The following FBXL20 variants were observed in gnomAD, a reference collection of about 807,000 sequenced individuals.
FBXL20 encodes F-box/LRR-repeat protein 20.
FBXL20 carries 11 observed loss-of-function variants against 64.0 expected under a neutral mutation model. That is an observed-to-expected ratio of 0.17 (90% CI 0.11 to 0.28). The LOEUF is 0.28. Among genes scored for constraint, FBXL20 ranks in the 10% least tolerant of loss-of-function variants. FBXL20 has a pLI of 1.00. For missense variants in FBXL20, 303 were observed against 526.2 expected, an observed-to-expected ratio of 0.58 and a Z score of 4.15; for synonymous variants, 184 against 189.0, an observed-to-expected ratio of 0.97 and a Z score of 0.22.
intron 2 of FBXL20, among the ~76,000 whole-genome samples, chr17:39,304,531 C>T (rs539044801): frequency 6.6e-6 from 1 of 152,274 alleles, no homozygotes; most frequent in East Asian, 1.9e-4. Flanking sequence ...CTCAAGCAAT[C>T]CTCCTGCCTC....
chr17:39,294,260 C>A (rs1465435643), intron 6 of FBXL20, among the ~76,000 whole-genome samples: 1 of 151,786 alleles, frequency 6.6e-6, no homozygotes, highest in Non-Finnish European at 1.5e-5. Flanking sequence ...CAGGTGTGAA[C>A]CACCACACCT....
chr17:39,387,986 T>A (rs1421772810), intron 1 of FBXL20, among the ~76,000 whole-genome samples: 1 of 152,206 alleles, frequency 6.6e-6, no homozygotes, highest in Non-Finnish European at 1.5e-5. Context: ...GTTAATTACA[T>A]ATTTCATTTG....
At chr17:39,394,137 C>T (rs985239415) in intron 1 of FBXL20, among the ~76,000 whole-genome samples, 1 of 152,152 alleles carries the variant, frequency 6.6e-6, no homozygotes, top group Non-Finnish European at 1.5e-5. Flanking sequence ...CAACTGTGCA[C>T]AAGTAGCTAA....
intron 1 of FBXL20, among the ~76,000 whole-genome samples, chr17:39,384,729 G>T (rs958517440): frequency 6.6e-6 from 1 of 152,002 alleles, no homozygotes; most frequent in Admixed American, 6.6e-5. Context: ...GGCTGAGGCA[G>T]GCAGATCACA....
intron 1 of FBXL20, among the ~76,000 whole-genome samples, chr17:39,357,528 A>G (rs2047754151): frequency 6.6e-6 from 1 of 151,976 alleles, no homozygotes; most frequent in South Asian, 2.1e-4. Context: ...AAACAGTTTT[A>G]TAATTATCAT....
At chr17:39,328,825 G>A (rs1266098177) in intron 2 of FBXL20, among the ~76,000 whole-genome samples, 3 of 152,194 alleles carry the variant, frequency 2.0e-5, no homozygotes, top group African/African-American at 7.2e-5. Flanking sequence ...GGCCCAAGGT[G>A]GAAGGACCAC....
At chr17:39,377,703 C>G (rs556001620) in intron 1 of FBXL20, among the ~76,000 whole-genome samples, 1 of 152,032 alleles carries the variant, frequency 6.6e-6, no homozygotes. Flanking sequence ...GGGGTTTCAC[C>G]GTGTTAGCCA....
At chr17:39,351,694 GAT>G (rs1197367377) in intron 1 of FBXL20, among the ~76,000 whole-genome samples, 1 of 152,074 alleles carries the variant, frequency 6.6e-6, no homozygotes, top group African/African-American at 2.4e-5. Flanking sequence ...GAAGTATCAT[GAT>G]ATATTTCTGT....
intron 12 of FBXL20, among the ~76,000 whole-genome samples, chr17:39,267,867 C>T (rs994608094): frequency 1.1e-4 from 16 of 152,036 alleles, no homozygotes; most frequent in African/African-American, 2.9e-4. Flanking sequence ...TAAACGGATG[C>T]GAACAAGTTT....
At position 39,258,177 on chromosome 17, in the gene FBXL20, A is replaced by G. The variant is rs1176203819; in HGVS notation, c.*3283T>C. 1 of 152,166 alleles carries G rather than the reference A, an allele frequency of 6.6e-6. No individual in the cohort carries two copies. Among genetic ancestry groups the G allele is most frequent in the East Asian group, 1.9e-4 (1 of 5,198 alleles). The allele number at this position is 152,166 out of a possible 1,614,324, so 9.4% of individuals were successfully genotyped here. ...GGCTATGAGGTTAGACAAACAGATC[A>G]ATTAGCTTTTCCTGTAAAGAATTTT... On this transcript the variant is annotated 3_prime_UTR_variant, in exon 15 of 15. Coordinates refer to ENST00000264658, the MANE Select transcript of FBXL20 (RefSeq NM_032875.3).
chr17:39,359,213 G>A (rs1308531962), intron 1 of FBXL20, among the ~76,000 whole-genome samples: 1 of 152,032 alleles, frequency 6.6e-6, no homozygotes. Flanking sequence ...ACTTGTACCT[G>A]TAGTCCCAGC....
At chr17:39,393,030 T>G (rs952948497) in intron 1 of FBXL20, among the ~76,000 whole-genome samples, 1 of 151,344 alleles carries the variant, frequency 6.6e-6, no homozygotes, top group Admixed American at 6.6e-5. Context: ...GGCTCATGCC[T>G]ATACTCTCAG....
intron 12 of FBXL20, among the ~76,000 whole-genome samples, chr17:39,268,024 G>A (rs991101795): frequency 3.3e-5 from 5 of 152,114 alleles, no homozygotes; most frequent in Admixed American, 3.3e-4. Flanking sequence ...GGAGTCCCAT[G>A]TTCGAAGTTT....
At chr17:39,338,619 C>T (rs1180263230) in intron 2 of FBXL20, among the ~76,000 whole-genome samples, 1 of 152,122 alleles carries the variant, frequency 6.6e-6, no homozygotes, top group African/African-American at 2.4e-5. Context: ...AATTTATTAA[C>T]TACAAAGAAC....
At chr17:39,307,335 C>G (rs1448974020) in intron 2 of FBXL20, among the ~76,000 whole-genome samples, 6 of 152,078 alleles carry the variant, frequency 3.9e-5, no homozygotes, top group Non-Finnish European at 7.4e-5. Flanking sequence ...GAAGGGTGGT[C>G]AAGGAAAGCC....
At chr17:39,275,553 A>C (rs561203530) in intron 9 of FBXL20, among the ~76,000 whole-genome samples, 2 of 151,740 alleles carry the variant, frequency 1.3e-5, no homozygotes, top group African/African-American at 4.8e-5. Flanking sequence ...CTGGGACTAC[A>C]AGTGCACGCC....
chr17:39,382,781 A>C (rs2048037673), intron 1 of FBXL20, among the ~76,000 whole-genome samples: 1 of 152,088 alleles, frequency 6.6e-6, no homozygotes, highest in South Asian at 2.1e-4. Flanking sequence ...TGCAGGCTGC[A>C]GTGAGCTATG....
chr17:39,398,335 T>TAA (rs1461763954), intron 1 of FBXL20, among the ~76,000 whole-genome samples: 1 of 152,018 alleles, frequency 6.6e-6, no homozygotes, highest in Non-Finnish European at 1.5e-5. Context: ...GTAACTGAGG[T>TAA]AAAACATCTG....
chr17:39,360,231 G>T (rs1394119236), intron 1 of FBXL20, among the ~76,000 whole-genome samples: 1 of 152,100 alleles, frequency 6.6e-6, no homozygotes, highest in Non-Finnish European at 1.5e-5. Context: ...GGCTAAAAGG[G>T]GAGAGGGAAT....
Sources: allele counts gnomAD v4.1 joint callset (sites outside exome capture counted in the v4.1 genomes callset), GRCh38; gene constraint gnomAD v4.1.1; transcripts MANE v1.5; gene names NCBI Gene and HGNC (gene_info 2026-07-23, HGNC 2026-07-21).